Variants in ACBD6 observed in about 807,000 individuals in gnomAD.
The protein encoded by ACBD6 is acyl-CoA-binding domain-containing protein 6.
Under a neutral mutation model 37.2 loss-of-function variants are expected in ACBD6, and 28 were observed. That is an observed-to-expected ratio of 0.75 (90% confidence interval 0.56 to 1.03). The LOEUF (loss-of-function observed/expected upper bound fraction) is 1.03. Ranked by LOEUF, ACBD6 falls within the 50% of genes least tolerant of loss-of-function variation. The pLI, the probability that ACBD6 is intolerant of heterozygous loss-of-function variation, is 0.00. For missense variants in ACBD6, 340 were observed against 337.4 expected (o/e 1.01, Z -0.06); for synonymous variants, 113 against 126.8 (o/e 0.89, Z 0.73).
intron 6 of ACBD6, among the ~76,000 whole-genome samples, chr1:180,321,707 T>C (rs909242011): frequency 6.6e-6 from 1 of 152,160 alleles, no homozygotes; most frequent in African/African-American, 2.4e-5. Flanking sequence ...TTTTGTATGT[T>C]GATTTGTATC....
intron 3 of ACBD6, 115 bp from the exon 4 acceptor site, chr1:180,430,377 C>G (rs1648765846): frequency 2.3e-6 from 2 of 881,860 alleles, no homozygotes. Context: ...TACCCTCAAC[C>G]ATCTCTTCAA....
At chr1:180,347,065 G>GA (rs1558259963) in intron 6 of ACBD6, among the ~76,000 whole-genome samples, 7 of 151,584 alleles carry the variant, frequency 4.6e-5, no homozygotes, top group Admixed American at 4.6e-4. Context: ...AATGAAAAAC[G>GA]AAAAAAATCC....
In ACBD6 at chr1:180,344,810, G is replaced by C. The variant is rs573196503; in HGVS notation, c.664-30088C>G. ...TTCTCAACTCTGCTACTAGAAAAGA[G>C]AAAGGAGAATCAACACAGATAATAC... On this transcript the variant is annotated intron_variant, in intron 6 of 7. Transcript: ENST00000367595. Among the ~76,000 whole-genome samples the C allele has an allele frequency of 2.0e-5, 3 of 152,234 alleles. No individual in the cohort carries two copies. The South Asian group carries it at 6.2e-4, about 32-fold the overall frequency.
At chr1:180,465,298 G>A (rs1650304305) in intron 3 of ACBD6, among the ~76,000 whole-genome samples, 1 of 151,936 alleles carries the variant, frequency 6.6e-6, no homozygotes, top group African/African-American at 2.4e-5. Flanking sequence ...GCATCTATAA[G>A]GAACTTAAAC....
At chr1:180,335,029 T>G (rs1651645552) in intron 6 of ACBD6, among the ~76,000 whole-genome samples, 2 of 152,208 alleles carry the variant, frequency 1.3e-5, no homozygotes, top group African/African-American at 4.8e-5. Flanking sequence ...CCAAATCTAC[T>G]TCTGATTGGT....
At chr1:180,378,841 C>T (rs1653538702) in intron 6 of ACBD6, among the ~76,000 whole-genome samples, 1 of 152,136 alleles carries the variant, frequency 6.6e-6, no homozygotes, top group Non-Finnish European at 1.5e-5. Context: ...ACAGCCACCA[C>T]CACCACCAGT....
At chr1:180,486,832 A>G (rs1218750084) in intron 3 of ACBD6, among the ~76,000 whole-genome samples, 1 of 152,216 alleles carries the variant, frequency 6.6e-6, no homozygotes, top group Non-Finnish European at 1.5e-5. Context: ...TAACATCCCA[A>G]TATTGGGACA....
intron 6 of ACBD6, among the ~76,000 whole-genome samples, chr1:180,318,504 C>A (rs1650924791): frequency 6.6e-6 from 1 of 152,100 alleles, no homozygotes; most frequent in Non-Finnish European, 1.5e-5. Flanking sequence ...AAAATCTGTA[C>A]TGTGCTCCCT....
intron 7 of ACBD6, among the ~76,000 whole-genome samples, chr1:180,312,767 A>C (rs1485576104): frequency 6.6e-6 from 1 of 152,208 alleles, no homozygotes; most frequent in East Asian, 1.9e-4. Flanking sequence ...ACATTTATTG[A>C]GTATATGCCA....
intron 3 of ACBD6, among the ~76,000 whole-genome samples, chr1:180,465,561 TG>T (rs1218403915): frequency 6.6e-6 from 1 of 152,134 alleles, no homozygotes; most frequent in African/African-American, 2.4e-5. Flanking sequence ...ACACTGTTGG[TG>T]GGAGTGTAAA....
At chr1:180,437,886 C>G (rs1166223583) in intron 3 of ACBD6, among the ~76,000 whole-genome samples, 1 of 152,106 alleles carries the variant, frequency 6.6e-6, no homozygotes, top group Non-Finnish European at 1.5e-5. Flanking sequence ...TAGATTGTTC[C>G]AGCCATAGGA....
At chr1:180,353,690 G>T (rs1652505723) in intron 6 of ACBD6, among the ~76,000 whole-genome samples, 1 of 144,242 alleles carries the variant, frequency 6.9e-6, no homozygotes. Context: ...TTTGTATCCT[G>T]CTGACTTACA....
intron 6 of ACBD6, among the ~76,000 whole-genome samples, chr1:180,349,477 A>G (rs1652321604): frequency 6.6e-6 from 1 of 151,896 alleles, no homozygotes; most frequent in South Asian, 2.1e-4. Flanking sequence ...GGATGGTCTC[A>G]ATCTCCTGAC....
chr1:180,502,342 G>A lies in ACBD6; in HGVS notation c.-76C>T, dbSNP rs1240782389. 1.3e-6 allele frequency: 2 copies of A among 1,511,512 alleles called. No individual in the cohort carries two copies. The highest frequency in any genetic ancestry group is 1.8e-6 in the Non-Finnish European group (2 of 1,101,508). The allele number at this position is 1,511,512 out of a possible 1,614,324, so 93.6% of individuals were successfully genotyped here. A position where few individuals can be genotyped will look rare whatever the true frequency, so the allele number is the denominator to read the frequency against. On this transcript the variant is annotated 5_prime_UTR_variant, in exon 1 of 8. Transcript: ENST00000367595. ...GGGTGTAAGGCCGGCTTGGAGGCCT[G>A]GCCCACCAGTCTGGGTCGCGAGCCT...
At chr1:180,380,674 A>G (rs754240480) in intron 6 of ACBD6, among the ~76,000 whole-genome samples, 2 of 152,118 alleles carry the variant, frequency 1.3e-5, no homozygotes, top group African/African-American at 2.4e-5. Context: ...AACTACCATC[A>G]TGAAGACACG....
intron 6 of ACBD6, among the ~76,000 whole-genome samples, chr1:180,386,939 G>A (rs1317813502): frequency 2.6e-5 from 4 of 152,082 alleles, no homozygotes; most frequent in Non-Finnish European, 5.9e-5. Context: ...TTCGAGTTGT[G>A]ATTTCCCAGG....
exon 9 of ACBD6, chr1:180,281,306 T>C (rs1439710403): frequency 3.3e-5 from 5 of 152,224 alleles, no homozygotes; most frequent in Admixed American, 2.6e-4. Flanking sequence ...CAAGACTCAC[T>C]CAGGAGAACA....
chr1:180,334,546 C>A (rs189644513), intron 6 of ACBD6, among the ~76,000 whole-genome samples: 6 of 152,230 alleles, frequency 3.9e-5, no homozygotes, highest in African/African-American at 1.4e-4. Flanking sequence ...GTAGATAAAA[C>A]CACAAAGATG....
intron 6 of ACBD6, among the ~76,000 whole-genome samples, chr1:180,345,549 T>C (rs1652145923): frequency 6.6e-6 from 1 of 151,914 alleles, no homozygotes; most frequent in Admixed American, 6.6e-5. Flanking sequence ...AAAAACCTTA[T>C]AAAAAAGTTT....
Sources: allele counts gnomAD v4.1 joint callset (sites outside exome capture counted in the v4.1 genomes callset), GRCh38; gene constraint gnomAD v4.1.1; transcripts MANE v1.5; gene names NCBI Gene and HGNC (gene_info 2026-07-23, HGNC 2026-07-21).